MORC1: variants seen among roughly 807,000 people sequenced by gnomAD.
MORC1 encodes MORC family CW-type zinc finger protein 1.
MORC1 carries 59 observed loss-of-function variants against 134.9 expected under a neutral mutation model. The observed-to-expected ratio is 0.44, with a 90% confidence interval of 0.35 to 0.54. The LOEUF (loss-of-function observed/expected upper bound fraction) is 0.54. MORC1 is among the 20% of genes least tolerant of loss of function. MORC1 has a pLI of 0.00. For synonymous variants in MORC1, 395 were observed against 391.7 expected, an observed-to-expected ratio of 1.01 and a Z score of -0.10; for missense variants, 947 against 1,134.5, an observed-to-expected ratio of 0.83 and a Z score of 2.37.
At chr3:108,962,386 G>A (rs1665893742) in intron 27 of MORC1, among the ~76,000 whole-genome samples, 1 of 151,952 alleles carries the variant, frequency 6.6e-6, no homozygotes, top group African/African-American at 2.4e-5. Context: ...ACGTTTAAAT[G>A]TTCACAACCA....
chr3:109,006,993 T>C (rs781645733), intron 18 of MORC1, 36 bp downstream of exon 18: 20 of 1,522,524 alleles, frequency 1.3e-5, no homozygotes, highest in Non-Finnish European at 1.7e-5. Context: ...GGTTAAAACA[T>C]GACACAAATT....
intron 14 of MORC1, among the ~76,000 whole-genome samples, chr3:109,052,580 T>C (rs1423150055): frequency 6.6e-6 from 1 of 152,186 alleles, no homozygotes; most frequent in Non-Finnish European, 1.5e-5. Context: ...AATTTCCCAC[T>C]GAGTTCCTAC....
chr3:109,046,191 C>CT (rs1160792489), intron 14 of MORC1, among the ~76,000 whole-genome samples: 2 of 152,150 alleles, frequency 1.3e-5, no homozygotes, highest in Non-Finnish European at 2.9e-5. Flanking sequence ...CTGGTATACT[C>CT]TGAGATTCCC....
At chr3:108,975,378 CT>C (rs1947520078) in intron 24 of MORC1, among the ~76,000 whole-genome samples, 1 of 151,900 alleles carries the variant, frequency 6.6e-6, no homozygotes, top group Non-Finnish European at 1.5e-5. Flanking sequence ...AAGTTACTTT[CT>C]TTTTAAAACT....
At chr3:109,103,412 A>C (rs1336356459) in intron 4 of MORC1, among the ~76,000 whole-genome samples, 1 of 152,218 alleles carries the variant, frequency 6.6e-6, no homozygotes, top group African/African-American at 2.4e-5. Context: ...GGAAAAAACA[A>C]GGCTAAAAAC....
intron 8 of MORC1, among the ~76,000 whole-genome samples, chr3:109,071,242 A>G (rs1397789909): frequency 6.6e-6 from 1 of 152,210 alleles, no homozygotes; most frequent in Non-Finnish European, 1.5e-5. Flanking sequence ...ATTTGAAGGT[A>G]AAAAAGTCAA....
At chr3:109,030,523 G>GC (rs1313847562) in intron 16 of MORC1, among the ~76,000 whole-genome samples, 1 of 152,118 alleles carries the variant, frequency 6.6e-6, no homozygotes, top group Non-Finnish European at 1.5e-5. Flanking sequence ...ATTTCTTGCT[G>GC]CCACTTTAAG....
intron 17 of MORC1, among the ~76,000 whole-genome samples, chr3:109,012,862 C>G (rs970925402): frequency 6.6e-6 from 1 of 152,092 alleles, no homozygotes; most frequent in Non-Finnish European, 1.5e-5. Flanking sequence ...AAAACTTTTA[C>G]CTCTTCTTCT....
chr3:109,049,763 C>T (rs1949778507), intron 14 of MORC1, among the ~76,000 whole-genome samples: 1 of 152,106 alleles, frequency 6.6e-6, no homozygotes, highest in African/African-American at 2.4e-5. Context: ...GGAGAGTTCA[C>T]ATATTATTAG....
At chr3:109,054,149 G>T (rs1273265567) in intron 14 of MORC1, among the ~76,000 whole-genome samples, 2 of 152,036 alleles carry the variant, frequency 1.3e-5, no homozygotes, top group East Asian at 3.9e-4. Flanking sequence ...GGGCGTGGTG[G>T]CAGGTGCCTG....
At chr3:109,101,104 C>T (rs1950917258) in intron 4 of MORC1, among the ~76,000 whole-genome samples, 2 of 152,182 alleles carry the variant, frequency 1.3e-5, no homozygotes, top group African/African-American at 4.8e-5. Context: ...GAGGCAACTA[C>T]GTAATACTTA....
intron 8 of MORC1, among the ~76,000 whole-genome samples, chr3:109,070,119 CAT>C (rs1950285393): frequency 6.6e-6 from 1 of 152,106 alleles, no homozygotes; most frequent in South Asian, 2.1e-4. Flanking sequence ...CTCGTTCAAA[CAT>C]AACAAAAAGA....
At chr3:109,046,272 G>C (rs1949693902) in intron 14 of MORC1, among the ~76,000 whole-genome samples, 2 of 152,182 alleles carry the variant, frequency 1.3e-5, no homozygotes, top group South Asian at 4.1e-4. Context: ...GAGGGCTACA[G>C]GCCTCATTAC....
chr3:108,983,551 G>C (rs1259085493), intron 23 of MORC1, among the ~76,000 whole-genome samples: 1 of 152,154 alleles, frequency 6.6e-6, no homozygotes, highest in Admixed American at 6.6e-5. Flanking sequence ...AAGAAGACAA[G>C]AAGGCCTCTA....
chr3:109,002,186 GTTAT>G (rs1948420721), intron 20 of MORC1, among the ~76,000 whole-genome samples: 1 of 152,198 alleles, frequency 6.6e-6, no homozygotes, highest in Admixed American at 6.5e-5. Flanking sequence ...CCATGTACTG[GTTAT>G]CAGTTCCAGA....
At chr3:109,019,707 T>C (rs1948909954) in intron 17 of MORC1, among the ~76,000 whole-genome samples, 1 of 152,210 alleles carries the variant, frequency 6.6e-6, no homozygotes, top group African/African-American at 2.4e-5. Context: ...ATCATAGCAT[T>C]GTAATAAGGA....
intron 8 of MORC1, among the ~76,000 whole-genome samples, chr3:109,072,071 T>C (rs1031098514): frequency 1.3e-5 from 2 of 152,192 alleles, no homozygotes; most frequent in African/African-American, 4.8e-5. Flanking sequence ...TTGTGATGCT[T>C]TTAATAAAAA....
At chr3:109,029,272 T>G (rs1172786788) in intron 16 of MORC1, among the ~76,000 whole-genome samples, 1 of 152,226 alleles carries the variant, frequency 6.6e-6, no homozygotes. Flanking sequence ...AACTTCTATA[T>G]ATACAGCAAC....
chr3:109,049,134 G>GT (rs1464395706), intron 14 of MORC1: 1 of 984,122 alleles, frequency 1.0e-6, no homozygotes, highest in African/African-American at 1.7e-5. Context: ...CACTCGACGT[G>GT]TATCCTTAGC....
Sources: allele counts gnomAD v4.1 joint callset (sites outside exome capture counted in the v4.1 genomes callset), GRCh38; gene constraint gnomAD v4.1.1; transcripts MANE v1.5; gene names NCBI Gene and HGNC (gene_info 2026-07-23, HGNC 2026-07-21).